CEP112: variants seen among roughly 807,000 people sequenced by gnomAD.
CEP112 encodes centrosomal protein of 112 kDa.
CEP112 carries 127 observed loss-of-function variants against 153.0 expected under a neutral mutation model. The observed-to-expected ratio is 0.83, with a 90% CI of 0.72 to 0.96. The LOEUF (loss-of-function observed/expected upper bound fraction) is 0.96, where lower values mean the gene tolerates loss of function less well. CEP112 is among the 40% of genes least tolerant of loss of function. CEP112 has a pLI of 0.00. For synonymous variants in CEP112, 358 were observed against 374.4 expected (o/e 0.96, Z 0.51); for missense variants, 1,089 against 1,101.2 (o/e 0.99, Z 0.16).
At chr17:66,074,860 T>TG (rs1555790572) in intron 8 of CEP112, among the ~76,000 whole-genome samples, 7 of 95,714 alleles carry the variant, frequency 7.3e-5, no homozygotes, top group African/African-American at 1.3e-4. Context: ...AGGCTCTGTC[T>TG]AAAAAAAAAA....
At chr17:65,706,803 T>A (rs2048938169) in intron 23 of CEP112, among the ~76,000 whole-genome samples, 1 of 152,210 alleles carries the variant, frequency 6.6e-6, no homozygotes. Flanking sequence ...TTGTCTCTTT[T>A]CCTCTGGATG....
chr17:66,135,156 G>A lies in CEP112; in HGVS notation c.471-2393C>T, dbSNP rs540377786. Among the ~76,000 whole-genome samples the A allele has an allele frequency of 2.6e-4, 40 of 152,164 alleles. No individual in the cohort carries two copies. In the East Asian group the frequency reaches 4.2e-3, roughly 16 times the overall value. ...AAACTTACTATGTTACCCCTAATAC[G>A]TGCTCCAATGAAGCCCAAGTAATGG... On this transcript the variant is annotated intron_variant, in intron 4 of 26. Transcript: ENST00000535342.
At chr17:66,113,766 A>T (rs543364921) in intron 6 of CEP112, among the ~76,000 whole-genome samples, 33 of 152,314 alleles carry the variant, frequency 2.2e-4, no homozygotes, top group African/African-American at 7.9e-4. Flanking sequence ...TTTACAATAC[A>T]CTGAGTTTGT....
At position 65,889,814 on chromosome 17, in the gene CEP112, A is replaced by G. The variant is rs552425446; in HGVS notation, c.2163+12338T>C. Among the ~76,000 whole-genome samples, 8 of 152,092 alleles carry G rather than the reference A, an allele frequency of 5.3e-5. No homozygotes were observed. In the East Asian group the frequency reaches 1.6e-3, roughly 29 times the overall value. ...CTCTCTCTCCCTCACTGCCACATCAACTTTCCCCATTGTCACTGCCTTGGC... is the reference window on the plus strand; with the variant it reads ...CTCTCTCTCCCTCACTGCCACATCAGCTTTCCCCATTGTCACTGCCTTGGC... On this transcript the variant is annotated intron_variant, in intron 20 of 26. Coordinates refer to ENST00000535342, the MANE Select transcript of CEP112 (RefSeq NM_001199165.4).
chr17:65,911,639 G>C (rs965090503), intron 19 of CEP112, among the ~76,000 whole-genome samples: 1 of 151,876 alleles, frequency 6.6e-6, no homozygotes, highest in Non-Finnish European at 1.5e-5. Context: ...GATCAGCCTA[G>C]GCAATGTATC....
intron 12 of CEP112, among the ~76,000 whole-genome samples, chr17:66,040,122 C>A (rs954204739): frequency 6.6e-6 from 1 of 152,190 alleles, no homozygotes; most frequent in Non-Finnish European, 1.5e-5. Flanking sequence ...TCAGTAGTTA[C>A]TATCAAGGAG....
chr17:65,791,824 C>A (rs911276383), intron 21 of CEP112, among the ~76,000 whole-genome samples: 5 of 152,024 alleles, frequency 3.3e-5, no homozygotes, highest in African/African-American at 1.2e-4. Flanking sequence ...GTGGTTCCCC[C>A]TAAAAAAACC....
chr17:65,916,937 A>C (rs2060515894), intron 19 of CEP112, among the ~76,000 whole-genome samples: 2 of 152,126 alleles, frequency 1.3e-5, no homozygotes, highest in African/African-American at 4.8e-5. Context: ...AAAAAAAAAG[A>C]GGAAGAGAAG....
intron 17 of CEP112, among the ~76,000 whole-genome samples, chr17:65,991,143 G>C (rs6504384): frequency 0.59 from 89,001 of 152,026 alleles, 27,431 homozygotes; most frequent in African/African-American, 0.72. Context: ...CCTAGAACTT[G>C]AGTGGCCACG....
At chr17:65,765,146 G>A (rs1023473815) in intron 21 of CEP112, among the ~76,000 whole-genome samples, 1 of 131,230 alleles carries the variant, frequency 7.6e-6, no homozygotes, top group Non-Finnish European at 1.6e-5. Context: ...ATTTCTGTTC[G>A]GTTCTTCGTT....
intron 19 of CEP112, among the ~76,000 whole-genome samples, chr17:65,918,846 G>A (rs1357687817): frequency 6.6e-6 from 1 of 152,132 alleles, no homozygotes; most frequent in Non-Finnish European, 1.5e-5. Flanking sequence ...CTGGATTTTG[G>A]CTAAGATACT....
chr17:66,008,408 C>T (rs760160232), intron 16 of CEP112, among the ~76,000 whole-genome samples: 2 of 152,194 alleles, frequency 1.3e-5, no homozygotes, highest in East Asian at 3.9e-4. Context: ...GGCTGAAGTA[C>T]AGTGGCACAA....
intron 24 of CEP112, among the ~76,000 whole-genome samples, chr17:65,670,591 T>C (rs74323158): frequency 0.015 from 2,330 of 152,274 alleles, 46 homozygotes; most frequent in African/African-American, 0.053. Context: ...CACAGAGAAA[T>C]AGAGCCTGCA....
At chr17:66,091,276 T>C (rs980974536) in intron 8 of CEP112, among the ~76,000 whole-genome samples, 1 of 152,114 alleles carries the variant, frequency 6.6e-6, no homozygotes. Flanking sequence ...TTCTTCAGCA[T>C]AGATCATATG....
rs1459447641 is a variant in CEP112, at chr17:66,183,316, G to T, written c.-8-9C>A. On this transcript the variant is annotated splice_polypyrimidine_tract_variant and intron_variant, in intron 1 of 26. Transcript: ENST00000535342. ...CACTTCCATAATCCAATCTGTAAAA[G>T]ATTTTAAATCAAAATATTAAGGATT... The T allele has an allele frequency of 1.3e-6, 2 of 1,549,022 alleles. No individual in the cohort carries two copies. The highest frequency in any genetic ancestry group is 1.8e-6 in the Non-Finnish European group (2 of 1,130,944).
chr17:65,665,581 A>G (rs1275095897), intron 24 of CEP112, among the ~76,000 whole-genome samples: 1 of 152,212 alleles, frequency 6.6e-6, no homozygotes, highest in East Asian at 1.9e-4. Flanking sequence ...GATAGCAGGT[A>G]TCTTGCAACC....
chr17:65,978,768 A>T (rs1173017041), intron 17 of CEP112, among the ~76,000 whole-genome samples: 2 of 152,242 alleles, frequency 1.3e-5, no homozygotes, highest in Non-Finnish European at 2.9e-5. Context: ...GAAAGCATCC[A>T]AGAAATGTAA....
intron 4 of CEP112, among the ~76,000 whole-genome samples, chr17:66,136,589 C>T (rs1389048033): frequency 6.6e-6 from 1 of 152,184 alleles, no homozygotes; most frequent in Non-Finnish European, 1.5e-5. Flanking sequence ...GCCCAAGGAA[C>T]TTGTTTCTGT....
chr17:66,028,189 A>G (rs1390690902), intron 15 of CEP112, 124 bp downstream of exon 15: 1 of 600,306 alleles, frequency 1.7e-6, no homozygotes, highest in African/African-American at 1.9e-5. Context: ...CAATGCGATA[A>G]AAGAATCAGA....
Sources: allele counts gnomAD v4.1 joint callset (sites outside exome capture counted in the v4.1 genomes callset), GRCh38; gene constraint gnomAD v4.1.1; transcripts MANE v1.5; gene names NCBI Gene and HGNC (gene_info 2026-07-23, HGNC 2026-07-21).